Variants in PDS5B observed in about 807,000 individuals in gnomAD.
PDS5B encodes the protein PDS5 cohesin associated factor B, also known as sister chromatid cohesion protein PDS5 homolog B.
Under a neutral mutation model 184.1 loss-of-function variants are expected in PDS5B, and 51 were observed. That is an observed-to-expected ratio of 0.28 (90% CI 0.22 to 0.35). The LOEUF (loss-of-function observed/expected upper bound fraction) is 0.35, where lower values mean the gene tolerates loss of function less well. PDS5B is among the 10% of genes least tolerant of loss of function. The pLI is 1.00. For missense variants in PDS5B, 1,180 were observed against 1,723.3 expected, an observed-to-expected ratio of 0.68 and a Z score of 5.58; for synonymous variants, 566 against 569.2, an observed-to-expected ratio of 0.99 and a Z score of 0.08.
In PDS5B at chr13:32,758,565, A is replaced by G. The variant is rs1566418203; in HGVS notation, c.3221A>G (p.Asn1074Ser). 1 of 1,610,542 alleles carries G rather than the reference A, an allele frequency of 6.2e-7. No homozygotes were observed. Among genetic ancestry groups the G allele is most frequent in the Admixed American group, 1.7e-5 (1 of 60,010 alleles). The change falls in exon 28 of 35, where the codon AAT (asparagine) becomes AGT (serine). Residue 1074 changes from asparagine (N) to serine (S), a missense_variant. By Grantham distance (46) the Asn-to-Ser change is conservative (BLOSUM62 1). Coordinates refer to ENST00000315596, the MANE Select transcript of PDS5B (RefSeq NM_015032.4). The stretch of plus-strand genomic sequence containing the variant: ...TACACTGTGTGTGATGTTGCCATGA[A>G]TATCATCATGTCAAAGAGTACTACA... ...KLYTVCDVAMNIIMSKSTTYS... is the reference protein window; with the variant it reads ...KLYTVCDVAMSIIMSKSTTYS...
At chr13:32,633,952 G>T (rs983681314) in intron 1 of PDS5B, among the ~76,000 whole-genome samples, 5 of 152,054 alleles carry the variant, frequency 3.3e-5, no homozygotes, top group Non-Finnish European at 5.9e-5. Flanking sequence ...GTAATGTTAT[G>T]CAATGCCTCC....
At chr13:32,766,761 C>A (rs1322965595) in intron 31 of PDS5B, among the ~76,000 whole-genome samples, 2 of 151,976 alleles carry the variant, frequency 1.3e-5, no homozygotes. Flanking sequence ...CAGTGCAATG[C>A]AAAATGAAAA....
In PDS5B at chr13:32,659,226, A is replaced by G. The variant is rs201789011; in HGVS notation, c.570A>G (p.Thr190=). 2.2e-5 allele frequency: 36 copies of G among 1,600,974 alleles called. No homozygotes were observed. The African/African-American group carries it at 3.1e-4, about 14-fold the overall frequency. Residue 190 remains threonine (T), a synonymous_variant, in exon 6 of 35, where the codon ACA becomes ACG. Coordinates refer to ENST00000315596, the MANE Select transcript of PDS5B (RefSeq NM_015032.4). ...LMSSIICEGD[T]VSQELLDTVL... ...GCTCTATTATTTGTGAAGGTGATAC[A>G]GTGTCTCAGGAGCTTTTGGATACGG...
intron 21 of PDS5B, among the ~76,000 whole-genome samples, chr13:32,739,410 TTA>T (rs1953460780): frequency 1.3e-5 from 2 of 152,210 alleles, no homozygotes; most frequent in Non-Finnish European, 2.9e-5. Flanking sequence ...CTCACACAAC[TTA>T]TGTTAGGCAC....
intron 1 of PDS5B, among the ~76,000 whole-genome samples, chr13:32,603,417 A>G (rs1453112125): frequency 6.6e-6 from 1 of 151,980 alleles, no homozygotes; most frequent in African/African-American, 2.4e-5. Flanking sequence ...GATGTGTGGT[A>G]TTATTTCTGA....
intron 1 of PDS5B, among the ~76,000 whole-genome samples, chr13:32,599,481 G>T (rs1467913615): frequency 3.3e-5 from 5 of 151,674 alleles, no homozygotes; most frequent in Admixed American, 2.6e-4. Context: ...GGTCAGGCTG[G>T]TCTTGAACTC....
At chr13:32,761,344 G>T (rs1954388498) in intron 30 of PDS5B, among the ~76,000 whole-genome samples, 2 of 151,364 alleles carry the variant, frequency 1.3e-5, no homozygotes, top group South Asian at 4.2e-4. Flanking sequence ...TTGCTTTTTT[G>T]TTTTTTTTAA....
At chr13:32,733,464 A>G (rs757125044) in intron 20 of PDS5B, among the ~76,000 whole-genome samples, 16 of 152,218 alleles carry the variant, frequency 1.1e-4, no homozygotes, top group Non-Finnish European at 1.6e-4. Context: ...TTTGTTTATA[A>G]TATGAACAAT....
chr13:32,717,801 CT>C (rs1188995247), intron 19 of PDS5B, among the ~76,000 whole-genome samples: 1 of 147,016 alleles, frequency 6.8e-6, no homozygotes, highest in Non-Finnish European at 1.5e-5. Flanking sequence ...AATTCTAATT[CT>C]TTTAATTGTT....
In PDS5B at chr13:32,658,133, T is replaced by G. The variant is rs1240314119; in HGVS notation, c.313-106T>G. 4 of 542,974 alleles carry G rather than the reference T, an allele frequency of 7.4e-6. No individual in the cohort carries two copies. The Admixed American group carries it at 1.1e-4, about 15-fold the overall frequency. The allele number at this position is 542,974 out of a possible 1,614,324, so 33.6% of individuals were successfully genotyped here. ...AAATTTTTTTCTGGTTCTTTATAGT[T>G]TATTATGATATGTACACATGAGTGC... On this transcript the variant is annotated intron_variant, in intron 3 of 34. Transcript: ENST00000315596.
chr13:32,602,814 T>C (rs1157793856), intron 1 of PDS5B, among the ~76,000 whole-genome samples: 1 of 152,224 alleles, frequency 6.6e-6, no homozygotes, highest in East Asian at 1.9e-4. Context: ...TGGTATTTCA[T>C]TGTGGTTTTG....
At chr13:32,738,674 CT>C (rs886737923) in intron 21 of PDS5B, among the ~76,000 whole-genome samples, 9 of 151,140 alleles carry the variant, frequency 6.0e-5, no homozygotes, top group Non-Finnish European at 8.9e-5. Flanking sequence ...AAAGTTATTC[CT>C]TTTTTTTTCT....
chr13:32,715,639 CTCCCTA>C (rs1341248035), intron 19 of PDS5B, among the ~76,000 whole-genome samples: 31 of 151,854 alleles, frequency 2.0e-4, no homozygotes, highest in Non-Finnish European at 4.1e-4. Flanking sequence ...CCCTCTCCCT[CTCCCTA>C]TCCCTCTCCC....
At chr13:32,588,994 G>C (rs1257731867) in intron 1 of PDS5B, among the ~76,000 whole-genome samples, 2 of 152,210 alleles carry the variant, frequency 1.3e-5, no homozygotes, top group Non-Finnish European at 2.9e-5. Context: ...GAAATTTAGA[G>C]ACTGCCTTAG....
intron 1 of PDS5B, among the ~76,000 whole-genome samples, chr13:32,591,002 A>G (rs1170986797): frequency 6.6e-6 from 1 of 151,878 alleles, no homozygotes; most frequent in Non-Finnish European, 1.5e-5. Flanking sequence ...AAAAAATGTT[A>G]CTTTTTTCCT....
At chr13:32,679,061 AGTT>A (rs1951158386) in intron 10 of PDS5B, 132 bp downstream of exon 10, 2 of 502,428 alleles carry the variant, frequency 4.0e-6, no homozygotes, top group Admixed American at 7.2e-5. Flanking sequence ...AGGTCATGGA[AGTT>A]GTTCTCTGAA....
chr13:32,589,999 G>A (rs2057749655), intron 1 of PDS5B, among the ~76,000 whole-genome samples: 1 of 152,040 alleles, frequency 6.6e-6, no homozygotes, highest in South Asian at 2.1e-4. Flanking sequence ...GTTTTAGCTG[G>A]CATGAGTGAT....
At chr13:32,604,395 T>C (rs1256986791) in intron 1 of PDS5B, among the ~76,000 whole-genome samples, 1 of 152,246 alleles carries the variant, frequency 6.6e-6, no homozygotes, top group Non-Finnish European at 1.5e-5. Context: ...TTGCGTATAT[T>C]GAACCAGCCT....
At chr13:32,703,191 G>GAATGGATT (rs1364100130) in intron 17 of PDS5B, among the ~76,000 whole-genome samples, 1 of 152,164 alleles carries the variant, frequency 6.6e-6, no homozygotes. Flanking sequence ...GAAACTATGA[G>GAATGGATT]AATGGATTAA....
Sources: allele counts gnomAD v4.1 joint callset (sites outside exome capture counted in the v4.1 genomes callset), GRCh38; gene constraint gnomAD v4.1.1; transcripts MANE v1.5; gene names NCBI Gene and HGNC (gene_info 2026-07-23, HGNC 2026-07-21).